The following HOMER2 variants were observed in gnomAD, a reference collection of about 807,000 sequenced individuals.
HOMER2 encodes homer scaffold protein 2, also known as homer protein homolog 2.
Under a neutral mutation model 47.0 loss-of-function variants are expected in HOMER2, and 27 were observed. That is an observed-to-expected ratio of 0.57 (90% confidence interval 0.42 to 0.79). HOMER2 has a LOEUF of 0.79. Ranked by LOEUF, HOMER2 falls within the 30% of genes least tolerant of loss-of-function variation. The pLI is 0.00. For synonymous variants in HOMER2, 161 were observed against 163.8 expected, an observed-to-expected ratio of 0.98 and a Z score of 0.13; for missense variants, 443 against 435.0, an observed-to-expected ratio of 1.02 and a Z score of -0.16.
rs569614696 is a variant in HOMER2, at chr15:82,851,333, C to A, written c.763-102G>T. The A allele has an allele frequency of 6.1e-4, 471 of 775,758 alleles. 1 individual carries two copies. Among genetic ancestry groups the A allele is most frequent in the Admixed American group, 1.9e-3 (92 of 48,052 alleles). The allele number at this position is 775,758 out of a possible 1,614,324, so 48.1% of individuals were successfully genotyped here. On this transcript the variant is annotated intron_variant, in intron 7 of 8. Coordinates refer to ENST00000450735, the MANE Select transcript of HOMER2 (RefSeq NM_004839.4). ...ACGCTCGTGGAAGCAGCTTTGGGAC[C>A]CTGTCCTGTTTGCATAGACAGTGAT...
intron 1 of HOMER2, among the ~76,000 whole-genome samples, chr15:82,926,995 G>C (rs1434200167): frequency 6.6e-6 from 1 of 152,154 alleles, no homozygotes; most frequent in African/African-American, 2.4e-5. Flanking sequence ...AATGGACTAA[G>C]ACAGGAACTA....
At position 82,967,466 on chromosome 15, in the gene HOMER2, G is replaced by A. The variant is rs556379775; in HGVS notation, n.83-8158C>T. On this transcript the variant is annotated intron_variant and non_coding_transcript_variant, in intron 1 of 1. Coordinates refer to the HOMER2 transcript ENST00000500334. Reference sequence around the variant, plus strand: ...AGTGGGTGTGGGGAAGTGGGTCAGGGTATAAATGGAGTTAGTGTGGCCATG... The same window carrying A: ...AGTGGGTGTGGGGAAGTGGGTCAGGATATAAATGGAGTTAGTGTGGCCATG... 4.9e-4 allele frequency among the ~76,000 whole-genome samples: 75 copies of A among 152,260 alleles called. 1 individual carries two copies. Among genetic ancestry groups the A allele is most frequent in the African/African-American group, 1.8e-3 (75 of 41,538 alleles).
upstream of HOMER2, among the ~76,000 whole-genome samples, chr15:82,954,078 A>AAAAT (rs937446978): frequency 3.5e-4 from 53 of 152,164 alleles, no homozygotes; most frequent in African/African-American, 1.2e-3. Context: ...CTGTCTCAAA[A>AAAAT]AAATAAATAA....
intron 1 of HOMER2, among the ~76,000 whole-genome samples, chr15:82,902,700 CTGATA>C (rs1759798745): frequency 6.6e-6 from 1 of 152,080 alleles, no homozygotes; most frequent in African/African-American, 2.4e-5. Flanking sequence ...CATGCCATAC[CTGATA>C]TGAGGGTATG....
exon 2 of HOMER2, chr15:82,843,470 A>AAAG (rs1426116619): frequency 7.1e-6 from 1 of 141,446 alleles, no homozygotes; most frequent in Non-Finnish European, 1.6e-5. Context: ...AAAAAAAAAA[A>AAAG]AAGAATTGGA....
chr15:82,878,246 C>T (rs1374978462), intron 2 of HOMER2, among the ~76,000 whole-genome samples: 1 of 152,148 alleles, frequency 6.6e-6, no homozygotes, highest in East Asian at 1.9e-4. Flanking sequence ...TACAGGCTAT[C>T]CCAGAGGCAG....
chr15:82,963,522 T>G (rs749887365), intron 1 of HOMER2, among the ~76,000 whole-genome samples: 11 of 152,174 alleles, frequency 7.2e-5, no homozygotes, highest in Non-Finnish European at 1.5e-4. Context: ...TTTGAGCAAC[T>G]AGAAAGAACA....
chr15:82,902,318 T>C (rs746430441), intron 1 of HOMER2, among the ~76,000 whole-genome samples: 1 of 151,476 alleles, frequency 6.6e-6, no homozygotes, highest in Non-Finnish European at 1.5e-5. Context: ...CTGCCTCAGC[T>C]TCCTGAGTAG....
intron 1 of HOMER2, among the ~76,000 whole-genome samples, chr15:82,902,139 AAG>A (rs1013096081): frequency 1.3e-5 from 2 of 152,202 alleles, no homozygotes; most frequent in Non-Finnish European, 2.9e-5. Flanking sequence ...TTTAAACAAA[AAG>A]AGTTTACGAT....
At chr15:82,946,852 A>C (rs951212275) in intron 1 of HOMER2, among the ~76,000 whole-genome samples, 12 of 152,174 alleles carry the variant, frequency 7.9e-5, no homozygotes, top group Non-Finnish European at 1.5e-5. Flanking sequence ...TGTAACCATC[A>C]GTGTACCACA....
chr15:82,871,367 A>G (rs1391822315), intron 3 of HOMER2, among the ~76,000 whole-genome samples: 1 of 152,146 alleles, frequency 6.6e-6, no homozygotes, highest in Non-Finnish European at 1.5e-5. Flanking sequence ...GTGCTTGATT[A>G]CCATTTCCCT....
chr15:82,863,586 A>AG (rs1401808469), intron 4 of HOMER2, among the ~76,000 whole-genome samples: 1 of 152,110 alleles, frequency 6.6e-6, no homozygotes, highest in Non-Finnish European at 1.5e-5. Flanking sequence ...CCCTGTCACT[A>AG]GGTCGACTTC....
exon 2 of HOMER2, chr15:82,839,527 C>T (rs1463918471): frequency 6.6e-6 from 1 of 152,164 alleles, no homozygotes; most frequent in African/African-American, 2.4e-5. Context: ...AAATATTTTA[C>T]TGAACTATGT....
intron 1 of HOMER2, among the ~76,000 whole-genome samples, chr15:82,932,233 G>A (rs920679966): frequency 6.6e-6 from 1 of 152,196 alleles, no homozygotes; most frequent in Admixed American, 6.5e-5. Flanking sequence ...GGTGGCTCAC[G>A]CCTGTAATCC....
intron 1 of HOMER2, among the ~76,000 whole-genome samples, chr15:82,972,974 A>C (rs2030047939): frequency 6.6e-6 from 1 of 152,154 alleles, no homozygotes; most frequent in African/African-American, 2.4e-5. Context: ...GGTACAAAAG[A>C]GGCAGGCAAC....
chr15:82,841,097 CTCT>C (rs962643704), exon 2 of HOMER2: 13 of 151,968 alleles, frequency 8.6e-5, no homozygotes, highest in Admixed American at 5.9e-4. Context: ...CAATTTAAAG[CTCT>C]TATTTTTATT....
chr15:82,976,285 CTATTTATT>C (rs543419840), intron 1 of HOMER2, among the ~76,000 whole-genome samples: 12 of 151,658 alleles, frequency 7.9e-5, no homozygotes, highest in African/African-American at 2.2e-4. Flanking sequence ...TTATCATGCA[CTATTTATT>C]TATTTATTTA....
At chr15:82,910,136 A>AT (rs2053412088) in intron 1 of HOMER2, among the ~76,000 whole-genome samples, 1 of 139,890 alleles carries the variant, frequency 7.1e-6, no homozygotes, top group Non-Finnish European at 1.5e-5. Flanking sequence ...CTGTCTCAAA[A>AT]AAAAAAAAAA....
At chr15:82,943,027 C>T (rs554993900) in intron 1 of HOMER2, among the ~76,000 whole-genome samples, 116 of 152,288 alleles carry the variant, frequency 7.6e-4, no homozygotes, top group South Asian at 1.5e-3. Flanking sequence ...AATGGAAGCA[C>T]ATGTCATCCC....
Sources: allele counts gnomAD v4.1 joint callset (sites outside exome capture counted in the v4.1 genomes callset), GRCh38; gene constraint gnomAD v4.1.1; transcripts MANE v1.5; gene names NCBI Gene and HGNC (gene_info 2026-07-23, HGNC 2026-07-21).